RPS6KC1: variants seen among roughly 807,000 people sequenced by gnomAD.
RPS6KC1 encodes inactive ribosomal protein S6 kinase delta-1.
RPS6KC1 carries 54 observed loss-of-function variants against 103.8 expected under a neutral mutation model. The ratio of observed to expected loss-of-function variants is 0.52; its 90% CI spans 0.42 to 0.65. The LOEUF is 0.65. Among genes scored for constraint, RPS6KC1 ranks in the 30% least tolerant of loss-of-function variants. RPS6KC1 has a pLI of 0.00. For missense variants in RPS6KC1, 1,151 were observed against 1,253.8 expected (o/e 0.92, Z 1.24); for synonymous variants, 439 against 438.7 (o/e 1.00, Z -0.01).
At chr1:213,667,366 C>T in the RPS6KC1 span, among the ~76,000 whole-genome samples, 48,056 of 151,984 alleles carry the variant, frequency 0.32, 8,587 homozygotes, top group African/African-American at 0.5. Flanking sequence ...TTTTTGGCTT[C>T]CCAGTACATA....
chr1:213,121,184 C>T (rs1054866075), intron 5 of RPS6KC1, among the ~76,000 whole-genome samples: 2 of 152,182 alleles, frequency 1.3e-5, no homozygotes, highest in East Asian at 3.8e-4. Context: ...TTCTCCTGGC[C>T]TTGGCCTCCC....
At chr1:213,138,962 T>A (rs2086698397) in intron 6 of RPS6KC1, among the ~76,000 whole-genome samples, 1 of 152,226 alleles carries the variant, frequency 6.6e-6, no homozygotes, top group South Asian at 2.1e-4. Context: ...CTAAATTACA[T>A]TCCCACCAGC....
the RPS6KC1 span, among the ~76,000 whole-genome samples, chr1:213,672,899 C>T: frequency 6.6e-6 from 1 of 152,162 alleles, no homozygotes; most frequent in Non-Finnish European, 1.5e-5. Flanking sequence ...AGGTTCCCAT[C>T]AGGCCAGAAA....
At chr1:213,302,347 G>C in the RPS6KC1 span, among the ~76,000 whole-genome samples, 2,112 of 152,284 alleles carry the variant, frequency 0.014, 73 homozygotes, top group East Asian at 0.1. Context: ...AGAATCTCAG[G>C]AGTGAAAGAG....
At chr1:213,362,437 A>G in the RPS6KC1 span, among the ~76,000 whole-genome samples, 1 of 152,168 alleles carries the variant, frequency 6.6e-6, no homozygotes, top group Non-Finnish European at 1.5e-5. Context: ...TAATTCTATG[A>G]GATAGAATTG....
chr1:213,299,891 G>A, the RPS6KC1 span, among the ~76,000 whole-genome samples: 46 of 152,166 alleles, frequency 3.0e-4, no homozygotes, highest in East Asian at 6.2e-3. Flanking sequence ...TGTAAGCTCC[G>A]CCTCCCGTGT....
At chr1:213,318,986 T>C in the RPS6KC1 span, among the ~76,000 whole-genome samples, 1 of 152,120 alleles carries the variant, frequency 6.6e-6, no homozygotes, top group African/African-American at 2.4e-5. Context: ...AGGATAGTTA[T>C]AGGTTGGGAC....
chr1:213,384,512 G>A, the RPS6KC1 span, among the ~76,000 whole-genome samples: 1 of 151,990 alleles, frequency 6.6e-6, no homozygotes, highest in South Asian at 2.1e-4. Context: ...TCGGAGGCTT[G>A]CATGATGGTT....
At chr1:213,348,840 T>C in the RPS6KC1 span, among the ~76,000 whole-genome samples, 1 of 152,142 alleles carries the variant, frequency 6.6e-6, no homozygotes, top group African/African-American at 2.4e-5. Context: ...GGCTCATAAA[T>C]GGTTTCAATG....
the RPS6KC1 span, among the ~76,000 whole-genome samples, chr1:213,321,325 T>C: frequency 6.6e-6 from 1 of 152,138 alleles, no homozygotes; most frequent in Admixed American, 6.5e-5. Flanking sequence ...ATTTTGAATT[T>C]TGTTGCTCCT....
chr1:213,524,306 C>T, the RPS6KC1 span, among the ~76,000 whole-genome samples: 8 of 152,058 alleles, frequency 5.3e-5, no homozygotes, highest in African/African-American at 1.7e-4. Flanking sequence ...AAGCAGAGGC[C>T]CTGTCTTACC....
At chr1:213,265,403 G>A (rs1428296004) in intron 14 of RPS6KC1, among the ~76,000 whole-genome samples, 1 of 152,178 alleles carries the variant, frequency 6.6e-6, no homozygotes, top group Non-Finnish European at 1.5e-5. Flanking sequence ...AAAGAAGCCA[G>A]TTATTTATAA....
chr1:213,129,979 A>G, intron 6 of RPS6KC1, 90 bp downstream of exon 6: 1 of 1,238,404 alleles, frequency 8.1e-7, no homozygotes, highest in Non-Finnish European at 1.1e-6. Flanking sequence ...GTATAGTCTT[A>G]TGGAAATAAT....
At chr1:213,759,741 C>T in the RPS6KC1 span, among the ~76,000 whole-genome samples, 1 of 152,228 alleles carries the variant, frequency 6.6e-6, no homozygotes, top group Non-Finnish European at 1.5e-5. Flanking sequence ...ATGTGGGAGG[C>T]AATGGTCCTT....
the RPS6KC1 span, among the ~76,000 whole-genome samples, chr1:213,351,193 C>G: frequency 6.6e-6 from 1 of 152,110 alleles, no homozygotes. Flanking sequence ...AATTACAGGG[C>G]TAGATTTTGA....
the RPS6KC1 span, among the ~76,000 whole-genome samples, chr1:213,571,507 G>A: frequency 2.6e-5 from 4 of 152,192 alleles, no homozygotes; most frequent in African/African-American, 9.6e-5. Context: ...GGGAAGGATA[G>A]AAGGAAAGAA....
the RPS6KC1 span, among the ~76,000 whole-genome samples, chr1:213,675,006 T>C: frequency 2.0e-5 from 3 of 152,332 alleles, no homozygotes; most frequent in East Asian, 5.8e-4. Flanking sequence ...GCTTGCTGAA[T>C]TGTTTAAGTT....
the RPS6KC1 span, among the ~76,000 whole-genome samples, chr1:213,414,814 G>A: frequency 6.6e-6 from 1 of 151,564 alleles, no homozygotes; most frequent in Non-Finnish European, 1.5e-5. Context: ...TTTAGTTGGG[G>A]GGCAGGGTGG....
At chr1:213,807,631 C>T in the RPS6KC1 span, among the ~76,000 whole-genome samples, 1 of 152,140 alleles carries the variant, frequency 6.6e-6, no homozygotes, top group Non-Finnish European at 1.5e-5. Context: ...TCAGCTCCAT[C>T]AGCTCCTTTA....
Sources: gnomAD v4.1 joint callset for allele counts (sites outside exome capture counted in the v4.1 genomes callset) on GRCh38, gnomAD v4.1.1 for gene constraint, MANE v1.5 for transcripts, NCBI Gene and HGNC (gene_info 2026-07-23, HGNC 2026-07-21) for gene names.